ITGB3BP: variants seen among roughly 807,000 people sequenced by gnomAD.
ITGB3BP encodes integrin subunit beta 3 binding protein, also known as centromere protein R.
A neutral mutation model predicts 29.1 loss-of-function variants in ITGB3BP; 27 were observed. That is an observed-to-expected ratio of 0.93 (90% CI 0.68 to 1.28). The LOEUF is 1.28. ITGB3BP is among the 50% of genes most tolerant of loss of function. ITGB3BP has a pLI of 0.00. For missense variants in ITGB3BP, 192 were observed against 200.2 expected (o/e 0.96, Z 0.25); for synonymous variants, 61 against 61.4 (o/e 0.99, Z 0.03).
At chr1:63,515,498 T>C (rs1301972930) in intron 1 of ITGB3BP, among the ~76,000 whole-genome samples, 1 of 152,046 alleles carries the variant, frequency 6.6e-6, no homozygotes, top group Non-Finnish European at 1.5e-5. Flanking sequence ...AGTTTTCAAT[T>C]TCTAAAAAAC....
At chr1:63,442,516 A>C (rs908226227) in intron 8 of ITGB3BP, 2 of 152,224 alleles carry the variant, frequency 1.3e-5, no homozygotes. Context: ...TTGGGGGTCT[A>C]TTTAAAAGAT....
rs1003184953 is a variant in ITGB3BP at position 63,487,173 on chromosome 1, C to CT, written c.184+2909dup. On this transcript the variant is annotated intron_variant, in intron 3 of 8. Transcript: ENST00000271002. ...TTTTATGCATCCATGGCATAGCCAA[C>CT]TTTTTTTTTTATATTTACAGTCTAT... Among the ~76,000 whole-genome samples, 88 of 148,250 alleles carry CT rather than the reference C, an allele frequency of 5.9e-4. 1 individual carries two copies. Among genetic ancestry groups the CT allele is most frequent in the African/African-American group, 1.6e-3 (64 of 40,700 alleles).
chr1:63,443,417 A>T (rs1644753199), intron 8 of ITGB3BP, among the ~76,000 whole-genome samples: 1 of 152,184 alleles, frequency 6.6e-6, no homozygotes, highest in Non-Finnish European at 1.5e-5. Flanking sequence ...ACAAGACCCA[A>T]GGTAAGGACA....
intron 2 of ITGB3BP, among the ~76,000 whole-genome samples, chr1:63,500,460 T>C (rs1645899520): frequency 6.6e-6 from 1 of 152,186 alleles, no homozygotes; most frequent in South Asian, 2.1e-4. Context: ...GATCCATATG[T>C]AAAAATCAGT....
At chr1:63,527,701 A>G (rs556314174), upstream of ITGB3BP, among the ~76,000 whole-genome samples, 109 of 152,326 alleles carry the variant, frequency 7.2e-4, no homozygotes, top group African/African-American at 2.5e-3. Flanking sequence ...GATTGTATCA[A>G]TTTCTTAGCT....
At chr1:63,512,563 A>T (rs1042503731) in intron 1 of ITGB3BP, among the ~76,000 whole-genome samples, 1 of 152,150 alleles carries the variant, frequency 6.6e-6, no homozygotes, top group African/African-American at 2.4e-5. Flanking sequence ...ATGGGGGGTA[A>T]AGAATAAACT....
At chr1:63,472,452 C>T (rs914905019) in intron 4 of ITGB3BP, among the ~76,000 whole-genome samples, 1 of 144,048 alleles carries the variant, frequency 6.9e-6, no homozygotes, top group African/African-American at 2.6e-5. Flanking sequence ...CTCCCTCTCC[C>T]CTCTCCCCTC....
At chr1:63,495,067 C>G (rs1645753952) in intron 2 of ITGB3BP, among the ~76,000 whole-genome samples, 1 of 152,124 alleles carries the variant, frequency 6.6e-6, no homozygotes, top group Admixed American at 6.5e-5. Flanking sequence ...TCAGCCTCCC[C>G]CAAAGCTGGG....
chr1:63,456,537 A>G (rs1644939319), intron 4 of ITGB3BP, among the ~76,000 whole-genome samples: 1 of 152,144 alleles, frequency 6.6e-6, no homozygotes, highest in South Asian at 2.1e-4. Context: ...CTTCTCATAT[A>G]TGATGCCAAA....
At chr1:63,524,524 G>A (rs568242043), upstream of ITGB3BP, among the ~76,000 whole-genome samples, 53 of 152,304 alleles carry the variant, frequency 3.5e-4, no homozygotes, top group Admixed American at 1.2e-3. Flanking sequence ...TCCTGAGTAG[G>A]AATGCAATGA....
chr1:63,444,453 TATATTACATATA>T (rs1644764460), intron 8 of ITGB3BP, among the ~76,000 whole-genome samples: 1 of 10,384 alleles, frequency 9.6e-5, no homozygotes, highest in African/African-American at 1.3e-3. Flanking sequence ...ATCCTATATA[TATATTACATATA>T]GGATATATAT....
At chr1:63,505,809 T>G (rs1237683884) in intron 2 of ITGB3BP, among the ~76,000 whole-genome samples, 1 of 152,222 alleles carries the variant, frequency 6.6e-6, no homozygotes, top group African/African-American at 2.4e-5. Context: ...TCAGTTTCCA[T>G]GTAGTTGAGC....
chr1:63,461,040 C>G (rs1645008172), intron 4 of ITGB3BP, among the ~76,000 whole-genome samples: 1 of 148,750 alleles, frequency 6.7e-6, no homozygotes, highest in Non-Finnish European at 1.5e-5. Context: ...GAGATCGAGA[C>G]CACTCTGGCT....
At chr1:63,480,696 G>A (rs2100635038) in intron 3 of ITGB3BP, among the ~76,000 whole-genome samples, 1 of 152,056 alleles carries the variant, frequency 6.6e-6, no homozygotes, top group East Asian at 1.9e-4. Flanking sequence ...AGTCTCTAAT[G>A]CAAAAGGAGA....
chr1:63,520,334 C>T (rs959442374), intron 1 of ITGB3BP, among the ~76,000 whole-genome samples: 3 of 152,214 alleles, frequency 2.0e-5, no homozygotes, highest in Non-Finnish European at 4.4e-5. Flanking sequence ...TGTCTTACTC[C>T]AAAGTCCATG....
intron 8 of ITGB3BP, among the ~76,000 whole-genome samples, chr1:63,441,842 C>G (rs1352377375): frequency 6.6e-6 from 1 of 152,136 alleles, no homozygotes; most frequent in African/African-American, 2.4e-5. Context: ...GTCTCTTCAG[C>G]CTTAGAATCC....
At chr1:63,471,913 T>C (rs996072642) in intron 4 of ITGB3BP, among the ~76,000 whole-genome samples, 2 of 151,960 alleles carry the variant, frequency 1.3e-5, no homozygotes, top group African/African-American at 4.8e-5. Context: ...GCCTCCTGAG[T>C]AGCTGGGACT....
chr1:63,512,672 T>C (rs1454296450), intron 1 of ITGB3BP, among the ~76,000 whole-genome samples: 1 of 152,108 alleles, frequency 6.6e-6, no homozygotes, highest in Non-Finnish European at 1.5e-5. Flanking sequence ...ATAAAGTTGA[T>C]AATAACACAG....
chr1:63,513,782 C>T (rs1373393280), intron 1 of ITGB3BP, among the ~76,000 whole-genome samples: 1 of 152,156 alleles, frequency 6.6e-6, no homozygotes, highest in Non-Finnish European at 1.5e-5. Flanking sequence ...AATACACTTA[C>T]TCATTTGACC....
Sources: gnomAD v4.1 joint callset for allele counts (sites outside exome capture counted in the v4.1 genomes callset) on GRCh38, gnomAD v4.1.1 for gene constraint, MANE v1.5 for transcripts, NCBI Gene and HGNC (gene_info 2026-07-23, HGNC 2026-07-21) for gene names.